Variants in KCNN2 observed in about 807,000 individuals in gnomAD.
The protein encoded by KCNN2 is small conductance calcium-activated potassium channel protein 2.
In KCNN2, 24 loss-of-function variants were observed where a neutral mutation model predicts 55.5. That is an observed-to-expected ratio of 0.43 (90% confidence interval 0.31 to 0.61). The LOEUF is 0.61. Ranked by LOEUF, KCNN2 falls within the 20% of genes least tolerant of loss-of-function variation. The pLI is 0.08. For missense variants in KCNN2, 754 were observed against 853.6 expected, an observed-to-expected ratio of 0.88 and a Z score of 1.45; for synonymous variants, 431 against 336.1, an observed-to-expected ratio of 1.28 and a Z score of -3.09.
chr5:114,158,647 C>G (rs1044425584), intron 1 of KCNN2, among the ~76,000 whole-genome samples: 1 of 151,482 alleles, frequency 6.6e-6, no homozygotes, highest in African/African-American at 2.4e-5. Flanking sequence ...ATGGAATGTT[C>G]TTCCATTTGT....
rs1757081545 is a variant in KCNN2, at chr5:114,344,964, CT to C, written c.-184-15980del. ...CTTATATTTTGACCTAGAAATACCC[CT>C]GCTAGGATTTTGCCCTGAAGATACA... On this transcript the variant is annotated intron_variant, in intron 2 of 10. Transcript: ENST00000512097. Among the ~76,000 whole-genome samples, 4 of 152,184 alleles carry C rather than the reference CT, an allele frequency of 2.6e-5. No individual in the cohort carries two copies. The South Asian group carries it at 8.3e-4, about 32-fold the overall frequency.
chr5:114,138,239 G>A (rs1208960229), intron 1 of KCNN2, among the ~76,000 whole-genome samples: 1 of 152,144 alleles, frequency 6.6e-6, no homozygotes, highest in Non-Finnish European at 1.5e-5. Flanking sequence ...TACCAAGAGA[G>A]TATTCTGTAA....
chr5:114,094,629 C>T (rs972317708), intron 1 of KCNN2, among the ~76,000 whole-genome samples: 2 of 152,170 alleles, frequency 1.3e-5, no homozygotes, highest in African/African-American at 4.8e-5. Flanking sequence ...AATACAGTAA[C>T]ACCTCCTGAA....
intron 4 of KCNN2, among the ~76,000 whole-genome samples, chr5:114,465,916 C>G (rs149429039): frequency 6.6e-6 from 1 of 152,232 alleles, no homozygotes; most frequent in East Asian, 1.9e-4. Context: ...TAAGCAGATT[C>G]CCATGGAGTC....
At chr5:114,061,674 T>C (rs994488515) in intron 1 of KCNN2, among the ~76,000 whole-genome samples, 28 of 152,162 alleles carry the variant, frequency 1.8e-4, no homozygotes, top group Admixed American at 1.6e-3. Flanking sequence ...TTTCTGTAGA[T>C]ACATGGACAA....
chr5:114,462,832 C>T (rs1434196346), intron 3 of KCNN2, among the ~76,000 whole-genome samples: 1 of 152,100 alleles, frequency 6.6e-6, no homozygotes, highest in Non-Finnish European at 1.5e-5. Context: ...TTATATTTTA[C>T]AGTCTCTTTC....
rs534959178 is a variant in KCNN2, at chr5:114,446,361, A to C, written c.1638-16688A>C. 7.2e-5 allele frequency among the ~76,000 whole-genome samples: 11 copies of C among 152,314 alleles called. No homozygotes were observed. The East Asian group carries it at 2.1e-3, about 29-fold the overall frequency. On this transcript the variant is annotated intron_variant, in intron 3 of 7. Coordinates refer to ENST00000673685, the MANE Select transcript of KCNN2 (RefSeq NM_021614.4). ...ATGGCTAAATTGAAATAGCCCTGTT[A>C]TGAAAGCATTTATATATGTGTTCTG...
At chr5:114,296,422 G>A (rs1050267005) in intron 2 of KCNN2, among the ~76,000 whole-genome samples, 2 of 152,212 alleles carry the variant, frequency 1.3e-5, no homozygotes, top group African/African-American at 4.8e-5. Context: ...TATTGCTTTA[G>A]GGATAAACCC....
chr5:114,378,188 T>C (rs1214897225), intron 2 of KCNN2, among the ~76,000 whole-genome samples: 1 of 152,202 alleles, frequency 6.6e-6, no homozygotes, highest in Non-Finnish European at 1.5e-5. Context: ...AAAAAAACTT[T>C]TATTGGAACA....
At chr5:114,165,713 A>G (rs1462384779) in intron 1 of KCNN2, among the ~76,000 whole-genome samples, 1 of 152,206 alleles carries the variant, frequency 6.6e-6, no homozygotes, top group South Asian at 2.1e-4. Context: ...TTTCTTAATA[A>G]CATTTACTTT....
intron 1 of KCNN2, among the ~76,000 whole-genome samples, chr5:114,075,377 A>G (rs540081636): frequency 6.6e-6 from 1 of 152,172 alleles, no homozygotes; most frequent in Non-Finnish European, 1.5e-5. Context: ...AGGAATCCGA[A>G]AGGTTAAATG....
intron 3 of KCNN2, among the ~76,000 whole-genome samples, chr5:114,422,252 C>T (rs776380786): frequency 1.1e-4 from 17 of 152,038 alleles, no homozygotes; most frequent in Non-Finnish European, 2.2e-4. Context: ...ACCTAATTTC[C>T]AGTGTGATAA....
At chr5:114,379,453 A>C (rs1283093544) in intron 2 of KCNN2, among the ~76,000 whole-genome samples, 1 of 134,952 alleles carries the variant, frequency 7.4e-6, no homozygotes, top group Non-Finnish European at 1.6e-5. Flanking sequence ...TATTTATAGA[A>C]TATATTATAT....
chr5:114,352,568 G>T (rs1757228031), intron 2 of KCNN2, among the ~76,000 whole-genome samples: 1 of 150,772 alleles, frequency 6.6e-6, no homozygotes, highest in Non-Finnish European at 1.5e-5. Flanking sequence ...TTATGGCTAA[G>T]AATTTCCCTC....
intron 1 of KCNN2, among the ~76,000 whole-genome samples, chr5:114,130,449 A>T (rs1208147193): frequency 6.6e-6 from 1 of 152,212 alleles, no homozygotes; most frequent in African/African-American, 2.4e-5. Flanking sequence ...CGTTGGAATT[A>T]CTTCAATAGG....
chr5:114,175,146 T>G (rs929826038), intron 1 of KCNN2, among the ~76,000 whole-genome samples: 1 of 152,206 alleles, frequency 6.6e-6, no homozygotes, highest in Non-Finnish European at 1.5e-5. Flanking sequence ...TCTAAAAAGA[T>G]TAGAATGATT....
At chr5:114,480,262 G>T (rs1024265299) in intron 5 of KCNN2, among the ~76,000 whole-genome samples, 1 of 152,116 alleles carries the variant, frequency 6.6e-6, no homozygotes, top group Non-Finnish European at 1.5e-5. Flanking sequence ...AAATCTAGAA[G>T]AAATGGATAA....
At chr5:114,493,266 G>T in intron 6 of KCNN2, 137 bp from the exon 7 acceptor site, 1 of 732,522 alleles carries the variant, frequency 1.4e-6, no homozygotes, top group South Asian at 1.4e-5. Flanking sequence ...CACATAACCA[G>T]TTTGGACTTA....
rs190314010 is a variant in KCNN2 at position 114,291,280 on chromosome 5, C to G, written c.-184-69665C>G. On this transcript the variant is annotated intron_variant, in intron 2 of 10. Coordinates refer to the KCNN2 transcript ENST00000512097. ...TATATACATGTGCCATGTTGGTGTG[C>G]TGCACCCATTAACTCATCATTTAGC... Among the ~76,000 whole-genome samples the G allele has an allele frequency of 7.2e-5, 11 of 151,996 alleles. 1 individual carries two copies. In the East Asian group the frequency reaches 1.9e-3, roughly 27 times the overall value.
Sources: allele counts gnomAD v4.1 joint callset (sites outside exome capture counted in the v4.1 genomes callset), GRCh38; gene constraint gnomAD v4.1.1; transcripts MANE v1.5; gene names NCBI Gene and HGNC (gene_info 2026-07-23, HGNC 2026-07-21).